Variants in MPP7 observed in about 807,000 individuals in gnomAD.
The protein encoded by MPP7 is MAGUK p55 subfamily member 7.
A neutral mutation model predicts 76.5 loss-of-function variants in MPP7; 60 were observed. The observed-to-expected ratio is 0.78, with a 90% confidence interval of 0.64 to 0.97. The LOEUF is 0.97. MPP7 is among the 50% of genes least tolerant of loss of function. The pLI, the probability that MPP7 is intolerant of heterozygous loss-of-function variation, is 0.00. For synonymous variants in MPP7, 237 were observed against 244.5 expected (o/e 0.97, Z 0.29); for missense variants, 641 against 694.0 (o/e 0.92, Z 0.86).
At chr10:28,233,222 G>A (rs914307841) in intron 2 of MPP7, among the ~76,000 whole-genome samples, 7 of 152,176 alleles carry the variant, frequency 4.6e-5, no homozygotes, top group Non-Finnish European at 8.8e-5. Context: ...TCCACTGTTG[G>A]AGGGGGAAGA....
At chr10:28,320,521 GA>G (rs1052442410) in intron 2 of MPP7, among the ~76,000 whole-genome samples, 6 of 152,044 alleles carry the variant, frequency 3.9e-5, no homozygotes, top group African/African-American at 1.4e-4. Context: ...TTTTTACAAT[GA>G]TAGTGAAAAG....
intron 1 of MPP7, among the ~76,000 whole-genome samples, chr10:28,255,100 T>A (rs1437234120): frequency 3.3e-5 from 5 of 152,180 alleles, no homozygotes; most frequent in Non-Finnish European, 7.3e-5. Flanking sequence ...AGTGCAAACA[T>A]ACTTTGAAAA....
chr10:28,125,170 A>G (rs1450694156), intron 6 of MPP7, 79 bp from the exon 7 acceptor site: 1 of 1,221,366 alleles, frequency 8.2e-7, no homozygotes, highest in Non-Finnish European at 1.2e-6. Flanking sequence ...AAGGACATTC[A>G]TCTGAAAAAA....
chr10:28,262,598 G>C (rs1423892396), intron 1 of MPP7, among the ~76,000 whole-genome samples: 6 of 152,000 alleles, frequency 3.9e-5, no homozygotes, highest in Admixed American at 3.9e-4. Flanking sequence ...TTTTTAATCT[G>C]ATGAAAACTA....
intron 13 of MPP7, among the ~76,000 whole-genome samples, chr10:28,063,334 CA>C (rs1851867649): frequency 6.6e-6 from 1 of 151,914 alleles, no homozygotes; most frequent in Non-Finnish European, 1.5e-5. Context: ...GTGGCACACA[CA>C]CCTGTAATCC....
rs1246986809 is a variant in MPP7, at chr10:28,130,882, AATTCT to A, written c.447+673_447+677del. On this transcript the variant is annotated intron_variant, in intron 6 of 16. Coordinates refer to ENST00000683449, the MANE Select transcript of MPP7 (RefSeq NM_001318170.2). The stretch of plus-strand genomic sequence containing the variant: ...GAATGAGAAAAATTTCAAGACAAGT[AATTCT>A]ATTCATTTGATTTCATATTCCAATA... 3.9e-5 allele frequency among the ~76,000 whole-genome samples: 6 copies of A among 152,320 alleles called. No homozygotes were observed. In the East Asian group the frequency reaches 1.2e-3, roughly 29 times the overall value.
intron 4 of MPP7, among the ~76,000 whole-genome samples, chr10:28,148,292 GA>G (rs1301879062): frequency 6.6e-6 from 1 of 152,056 alleles, no homozygotes; most frequent in East Asian, 1.9e-4. Flanking sequence ...TCCATTAAGA[GA>G]TATTCCTATC....
intron 1 of MPP7, among the ~76,000 whole-genome samples, chr10:28,302,470 C>T (rs986492601): frequency 1.4e-4 from 22 of 152,244 alleles, no homozygotes; most frequent in African/African-American, 5.3e-4. Flanking sequence ...AGCCAGCCAG[C>T]TTATCGCTCC....
chr10:28,139,152 A>G (rs1243388632), intron 5 of MPP7, among the ~76,000 whole-genome samples: 1 of 152,226 alleles, frequency 6.6e-6, no homozygotes, highest in Non-Finnish European at 1.5e-5. Flanking sequence ...CTAGTGAGCA[A>G]AGGCAGCCCC....
At chr10:28,213,137 C>T (rs1464398513) in intron 2 of MPP7, among the ~76,000 whole-genome samples, 2 of 151,980 alleles carry the variant, frequency 1.3e-5, no homozygotes, top group Admixed American at 6.6e-5. Context: ...GACAGGGTCT[C>T]GATGTTGCCC....
chr10:28,113,363 C>A (rs999792596), intron 11 of MPP7, among the ~76,000 whole-genome samples: 1 of 152,250 alleles, frequency 6.6e-6, no homozygotes, highest in African/African-American at 2.4e-5. Context: ...GTGAGTAATA[C>A]ACTACCTCTG....
At chr10:28,221,857 G>C (rs561796420) in intron 2 of MPP7, among the ~76,000 whole-genome samples, 54 of 152,284 alleles carry the variant, frequency 3.5e-4, no homozygotes, top group Non-Finnish European at 5.6e-4. Context: ...TAATGTGAGT[G>C]CTAGCAAATA....
At chr10:28,077,012 G>A (rs1852520845) in intron 12 of MPP7, among the ~76,000 whole-genome samples, 1 of 149,738 alleles carries the variant, frequency 6.7e-6, no homozygotes, top group Admixed American at 6.7e-5. Flanking sequence ...GTGACTGCTA[G>A]AGTGTGAGAT....
intron 11 of MPP7, among the ~76,000 whole-genome samples, chr10:28,112,231 T>C (rs947223830): frequency 6.6e-6 from 1 of 152,188 alleles, no homozygotes; most frequent in African/African-American, 2.4e-5. Flanking sequence ...GGCAAACAGC[T>C]AGGCATGATG....
chr10:28,327,393 T>C (rs1032979690), intron 2 of MPP7, among the ~76,000 whole-genome samples: 1 of 151,876 alleles, frequency 6.6e-6, no homozygotes, highest in Admixed American at 6.6e-5. Context: ...AAAAAAAAAA[T>C]TTATATTTCT....
At chr10:28,131,994 T>C (rs186670210) in intron 5 of MPP7, among the ~76,000 whole-genome samples, 30 of 152,184 alleles carry the variant, frequency 2.0e-4, no homozygotes, top group African/African-American at 7.0e-4. Context: ...CTCTGGTTTA[T>C]CCTTAAAAAG....
chr10:28,231,519 A>G (rs1248551940), intron 2 of MPP7, among the ~76,000 whole-genome samples: 1 of 151,846 alleles, frequency 6.6e-6, no homozygotes, highest in Non-Finnish European at 1.5e-5. Flanking sequence ...AGAGAGGAAG[A>G]GAGTGCGAAA....
At chr10:28,228,114 G>A (rs551192475) in intron 2 of MPP7, among the ~76,000 whole-genome samples, 236 of 152,172 alleles carry the variant, frequency 1.6e-3, no homozygotes, top group Middle Eastern at 3.4e-3. Flanking sequence ...TTGGGTGGGG[G>A]AACTGTTGGA....
intron 3 of MPP7, among the ~76,000 whole-genome samples, chr10:28,170,291 T>C (rs1033820573): frequency 6.6e-6 from 1 of 152,058 alleles, no homozygotes; most frequent in Non-Finnish European, 1.5e-5. Context: ...AGAAAGCATG[T>C]AGTCATTATC....
Sources: allele counts gnomAD v4.1 joint callset (sites outside exome capture counted in the v4.1 genomes callset), GRCh38; gene constraint gnomAD v4.1.1; transcripts MANE v1.5; gene names NCBI Gene and HGNC (gene_info 2026-07-23, HGNC 2026-07-21).